CFAP20DC: variants seen among roughly 807,000 people sequenced by gnomAD.
CFAP20DC encodes the protein CFAP20 domain containing.
A neutral mutation model predicts 101.7 loss-of-function variants in CFAP20DC; 84 were observed. That is an observed-to-expected ratio of 0.83 (90% confidence interval 0.69 to 0.99). The LOEUF is 0.99. Ranked by LOEUF, CFAP20DC falls within the 50% of genes least tolerant of loss-of-function variation. CFAP20DC has a pLI of 0.00. For synonymous variants in CFAP20DC, 359 were observed against 351.2 expected (o/e 1.02, Z -0.25); for missense variants, 1,007 against 970.3 (o/e 1.04, Z -0.50).
At chr3:58,773,882 G>A (rs1445970071) in intron 15 of CFAP20DC, among the ~76,000 whole-genome samples, 3 of 151,832 alleles carry the variant, frequency 2.0e-5, no homozygotes, top group African/African-American at 4.9e-5. Flanking sequence ...TACAATAGAG[G>A]GGCAGCCTAG....
At chr3:59,041,796 G>C (rs1186421189) in intron 3 of CFAP20DC, among the ~76,000 whole-genome samples, 1 of 152,018 alleles carries the variant, frequency 6.6e-6, no homozygotes, top group East Asian at 1.9e-4. Flanking sequence ...GAGCAAATTA[G>C]AAAACCTGTG....
rs55983233 is a variant in CFAP20DC, at chr3:58,822,339, A to AC, written c.2175+9346_2175+9347insG. Among the ~76,000 whole-genome samples, 187 of 139,362 alleles carry AC rather than the reference A, an allele frequency of 1.3e-3. 1 individual carries two copies. Among genetic ancestry groups the AC allele is most frequent in the African/African-American group, 4.0e-3 (147 of 37,106 alleles). The allele number at this position is 139,362 out of a possible 152,430, so 91.4% of individuals were successfully genotyped here. ...AACAAACAAACAAACAAACAAACAA[A>AC]AAAAACCAAACACCGCATATTCTCA... On this transcript the variant is annotated intron_variant, in intron 14 of 16. Coordinates refer to ENST00000482387, the MANE Select transcript of CFAP20DC (RefSeq NM_001394063.1).
rs546931603 is a variant in CFAP20DC at position 59,049,653 on chromosome 3, TG to T, written c.-23del. 1 of 1,535,808 alleles carries T rather than the reference TG, an allele frequency of 6.5e-7. No individual in the cohort carries two copies. ...ACATTCCCGCAGGGGGCCCAGGGCT[TG>T]GGGGGCACAGAGTTCAGGGTTTCCA... On this transcript the variant is annotated 5_prime_UTR_variant, in exon 1 of 17. Coordinates refer to ENST00000482387, the MANE Select transcript of CFAP20DC (RefSeq NM_001394063.1).
At position 58,894,444 on chromosome 3, in the gene CFAP20DC, G is replaced by A. The variant is rs924868482; in HGVS notation, c.551-9735C>T. On this transcript the variant is annotated intron_variant, in intron 6 of 16. Transcript: ENST00000482387. This position sits in a 1 kb window ranked among gnomAD's most constrained non-coding sequence, Gnocchi z 4.1. Reference sequence around the variant, plus strand: ...CCCCATGCAAGTCCAAAATCCAGCAGGGCAGTCAAATCTCAAAGCTCCAAA... The same window carrying A: ...CCCCATGCAAGTCCAAAATCCAGCAAGGCAGTCAAATCTCAAAGCTCCAAA... 2.6e-5 allele frequency among the ~76,000 whole-genome samples: 4 copies of A among 152,198 alleles called. No individual in the cohort carries two copies. Among genetic ancestry groups the A allele is most frequent in the African/African-American group, 4.8e-5 (2 of 41,450 alleles).
At chr3:58,757,304 T>C (rs2069048776) in intron 15 of CFAP20DC, among the ~76,000 whole-genome samples, 1 of 152,116 alleles carries the variant, frequency 6.6e-6, no homozygotes, top group Admixed American at 6.6e-5. Flanking sequence ...GAATTTGTTC[T>C]CATTATACGT....
chr3:58,843,549 A>T (rs2077342663), intron 13 of CFAP20DC, among the ~76,000 whole-genome samples: 1 of 152,022 alleles, frequency 6.6e-6, no homozygotes, highest in South Asian at 2.1e-4. Flanking sequence ...GGTGTACCTG[A>T]AAGTAATGGG....
chr3:58,788,815 G>A lies in CFAP20DC; in HGVS notation c.2237+17580C>T, dbSNP rs1051734605. ...GGAATAAGAGAACTGACCCTACTGGGTTGTAGCAGGGATTAAATAAACTAG... is the reference window on the plus strand; with the variant it reads ...GGAATAAGAGAACTGACCCTACTGGATTGTAGCAGGGATTAAATAAACTAG... On this transcript the variant is annotated intron_variant, in intron 15 of 16. Transcript: ENST00000482387. The surrounding 1 kb of genome is among the most constrained non-coding windows in gnomAD (Gnocchi z 4.2). Among the ~76,000 whole-genome samples, 2 of 152,080 alleles carry A rather than the reference G, an allele frequency of 1.3e-5. No individual in the cohort carries two copies. The highest frequency in any genetic ancestry group is 3.9e-4 in the East Asian group (2 of 5,186).
chr3:58,722,559 C>T lies in CFAP20DC; in HGVS notation c.198-4931G>A, dbSNP rs948704555. ...TGATGGAGTAGAAACCTGAGAGATG[C>T]CACCTTCAACTCAAAAGCCCAGCTC... On this transcript the variant is annotated intron_variant, in intron 3 of 3. Transcript: ENST00000486145. This position sits in a 1 kb window ranked among gnomAD's most constrained non-coding sequence, Gnocchi z 4.5. Among the ~76,000 whole-genome samples the T allele has an allele frequency of 1.6e-4, 24 of 152,124 alleles. No individual in the cohort carries two copies. The highest frequency in any genetic ancestry group is 1.8e-4 in the Non-Finnish European group (12 of 68,022).
chr3:58,790,613 T>C (rs546670851), intron 15 of CFAP20DC, among the ~76,000 whole-genome samples: 13 of 152,126 alleles, frequency 8.5e-5, no homozygotes, highest in Non-Finnish European at 1.6e-4. Context: ...AGGAGAAAGA[T>C]GGTGATTTTT....
chr3:59,032,371 G>C (rs2094011677), intron 4 of CFAP20DC, among the ~76,000 whole-genome samples: 1 of 152,076 alleles, frequency 6.6e-6, no homozygotes, highest in Non-Finnish European at 1.5e-5. Flanking sequence ...CCGGGAAAGG[G>C]GGCTGAAGCC....
At chr3:58,938,006 T>C (rs1156693250) in intron 4 of CFAP20DC, among the ~76,000 whole-genome samples, 1 of 152,214 alleles carries the variant, frequency 6.6e-6, no homozygotes, top group African/African-American at 2.4e-5. Context: ...TACTCTACAC[T>C]AGATTTCCAC....
intron 13 of CFAP20DC, among the ~76,000 whole-genome samples, chr3:58,833,418 CAG>C (rs1278036358): frequency 4.6e-5 from 7 of 152,064 alleles, no homozygotes; most frequent in South Asian, 4.2e-4. Flanking sequence ...AAAAAGGAAA[CAG>C]AAATAATTTA....
chr3:58,767,984 T>C (rs1404684087), intron 15 of CFAP20DC, among the ~76,000 whole-genome samples: 1 of 152,194 alleles, frequency 6.6e-6, no homozygotes, highest in Non-Finnish European at 1.5e-5. Context: ...CTTGTATGCG[T>C]TTCTCCTACC....
chr3:58,823,345 T>A (rs559842192), intron 14 of CFAP20DC, among the ~76,000 whole-genome samples: 91 of 152,290 alleles, frequency 6.0e-4, no homozygotes, highest in Middle Eastern at 3.4e-3. Context: ...TGAAATAATA[T>A]AGAATTTGTT....
At chr3:58,985,101 C>T (rs2092707685) in intron 4 of CFAP20DC, among the ~76,000 whole-genome samples, 1 of 152,024 alleles carries the variant, frequency 6.6e-6, no homozygotes, top group South Asian at 2.1e-4. Flanking sequence ...TTTTTCTTAA[C>T]TTTATTTTTG....
chr3:58,988,809 T>C (rs774781471), intron 4 of CFAP20DC, among the ~76,000 whole-genome samples: 1 of 152,178 alleles, frequency 6.6e-6, no homozygotes, highest in African/African-American at 2.4e-5. Context: ...TTTAAAAATA[T>C]TTCCCATTTT....
intron 3 of CFAP20DC, among the ~76,000 whole-genome samples, chr3:58,725,145 C>G (rs970934371): frequency 4.6e-5 from 7 of 152,192 alleles, no homozygotes; most frequent in African/African-American, 1.7e-4. Flanking sequence ...TTATCAGACA[C>G]AAAGACAGAC....
intron 4 of CFAP20DC, among the ~76,000 whole-genome samples, chr3:58,941,327 CAAAAAAAAAAAAAA>C (rs752324535): frequency 2.6e-4 from 5 of 19,534 alleles, no homozygotes; most frequent in African/African-American, 3.7e-4. Flanking sequence ...GACTCCGTCT[CAAAAAAAAAAAAAA>C]AAAAAAAAAA....
Position 58,728,502 on chromosome 3 carries a change from TG to T in CFAP20DC, c.198-10875del, listed in dbSNP as rs2067588313. On this transcript the variant is annotated intron_variant, in intron 3 of 3. Coordinates refer to the CFAP20DC transcript ENST00000486145. This position sits in a 1 kb window ranked among gnomAD's most constrained non-coding sequence, Gnocchi z 4.7. The stretch of plus-strand genomic sequence containing the variant: ...AGAAGATATTCTTTCAGATATTATT[TG>T]GGTTAATGAGGAAATTGGACATGGC... Among the ~76,000 whole-genome samples the T allele has an allele frequency of 6.6e-6, 1 of 152,326 alleles. No homozygotes were observed. Among genetic ancestry groups the T allele is most frequent in the South Asian group, 2.1e-4 (1 of 4,826 alleles).
Sources: gnomAD v4.1 joint callset for allele counts (sites outside exome capture counted in the v4.1 genomes callset) on GRCh38, gnomAD v4.1.1 for gene constraint, Gnocchi (gnomAD v3.1) non-coding constraint, MANE v1.5 for transcripts, NCBI Gene and HGNC (gene_info 2026-07-23, HGNC 2026-07-21) for gene names.